SKP1: variants seen among roughly 807,000 people sequenced by gnomAD.
The protein encoded by SKP1 is S-phase kinase associated protein 1.
Under a neutral mutation model 21.5 loss-of-function variants are expected in SKP1, and 1 was observed. That is an observed-to-expected ratio of 0.05 (90% CI 0.02 to 0.22). The LOEUF is 0.22. Among genes scored for constraint, SKP1 ranks in the 10% least tolerant of loss-of-function variants. The pLI, the probability that SKP1 is intolerant of heterozygous loss-of-function variation, is 1.00. For missense variants in SKP1, 70 were observed against 192.0 expected (o/e 0.36, Z 3.76); for synonymous variants, 59 against 59.3 (o/e 0.99, Z 0.03).
rs1222521257 is a variant in SKP1, at chr5:134,150,479, T to C, written c.*7254A>G. Reference sequence around the variant, plus strand: ...CAGCACAGAACAGAAGGGGTAAGGGTAACAAGGCCATGTTAAACTACCTCT... The same window carrying C: ...CAGCACAGAACAGAAGGGGTAAGGGCAACAAGGCCATGTTAAACTACCTCT... On this transcript the variant is annotated 3_prime_UTR_variant, in exon 6 of 6. Coordinates refer to ENST00000353411, the MANE Select transcript of SKP1 (RefSeq NM_170679.3). The C allele has an allele frequency of 6.6e-6, 1 of 152,208 alleles. No homozygotes were observed. The highest frequency in any genetic ancestry group is 1.5e-5 in the Non-Finnish European group (1 of 68,020). 9.4% of individuals were successfully genotyped at this position (152,208 alleles called of 1,614,324 possible). A position where few individuals can be genotyped will look rare whatever the true frequency, so the allele number is the denominator to read the frequency against.
At chr5:134,169,558 A>C (rs1324578629) in intron 2 of SKP1, among the ~76,000 whole-genome samples, 2 of 152,352 alleles carry the variant, frequency 1.3e-5, no homozygotes, top group East Asian at 3.9e-4. Context: ...AACGAGGCTT[A>C]ACTCACATTA....
At chr5:134,168,641 T>G (rs1436390372) in intron 2 of SKP1, among the ~76,000 whole-genome samples, 1 of 151,972 alleles carries the variant, frequency 6.6e-6, no homozygotes, top group East Asian at 1.9e-4. Context: ...TGGACAAGGT[T>G]TGTAGCTAAG....
Position 134,151,879 on chromosome 5 carries a change from A to C in SKP1, c.*5854T>G, listed in dbSNP as rs527387961. The C allele has an allele frequency of 3.1e-6, 1 of 318,738 alleles. No individual in the cohort carries two copies. The highest frequency in any genetic ancestry group is 2.1e-5 in the African/African-American group (1 of 46,556). 19.7% of individuals were successfully genotyped at this position (318,738 alleles called of 1,614,324 possible). A position where few individuals can be genotyped will look rare whatever the true frequency, so the allele number is the denominator to read the frequency against. On this transcript the variant is annotated 3_prime_UTR_variant, in exon 6 of 6. Transcript: ENST00000353411. ...CCGCATTGGAAGTGTGTCAAGCAAG[A>C]GCACCTTCGACAACACTTTTCGGCC...
chr5:134,157,529 T>C lies in SKP1; in HGVS notation c.*204A>G. 1.8e-6 allele frequency: 1 copy of C among 547,476 alleles called. No individual in the cohort carries two copies. The allele number at this position is 547,476 out of a possible 1,614,324, so 33.9% of individuals were successfully genotyped here. On this transcript the variant is annotated 3_prime_UTR_variant, in exon 6 of 6. Coordinates refer to ENST00000353411, the MANE Select transcript of SKP1 (RefSeq NM_170679.3). ...TATTCAGAGCAAAGAAAAAAGAAAC[T>C]TTCCATCATACTAGAAGAAACTTGG...
intron 2 of SKP1, 30 bp downstream of exon 2, chr5:134,173,896 C>T: frequency 4.2e-6 from 5 of 1,178,516 alleles, no homozygotes; most frequent in Admixed American, 3.4e-5. Flanking sequence ...TTACACATTT[C>T]CTCCCACCCA....
chr5:134,161,193 G>C (rs1392054128), intron 3 of SKP1, 63 bp from the exon 4 acceptor site: 31 of 1,394,230 alleles, frequency 2.2e-5, no homozygotes, highest in Non-Finnish European at 3.0e-5. Flanking sequence ...TCCACTGCTG[G>C]GACAACTTAT....
At chr5:134,175,346 T>G (rs1367689234) in intron 1 of SKP1, 29 of 152,214 alleles carry the variant, frequency 1.9e-4, no homozygotes, top group Admixed American at 1.8e-3. Flanking sequence ...CATGTCTGCT[T>G]CTCCATGTTG....
At chr5:134,173,310 C>T (rs751093760) in intron 2 of SKP1, 2 of 171,764 alleles carry the variant, frequency 1.2e-5, no homozygotes, top group Non-Finnish European at 2.5e-5. Context: ...TCAGGTTGGG[C>T]AACAAGAGCA....
chr5:134,160,968 T>C lies in SKP1; in HGVS notation c.315+19A>G, dbSNP rs763369921. On this transcript the variant is annotated intron_variant, in intron 4 of 5. Transcript: ENST00000353411. ...TTAAAGGCTCTAGAGTAGAGCTATC[T>C]TACACATTAAAAACTTACCAGAATG... The C allele has an allele frequency of 8.8e-6, 14 of 1,593,294 alleles. No individual in the cohort carries two copies. Among genetic ancestry groups the C allele is most frequent in the Non-Finnish European group, 1.2e-5 (14 of 1,165,122 alleles).
intron 4 of SKP1, among the ~76,000 whole-genome samples, chr5:134,159,095 G>A (rs1194157403): frequency 6.6e-6 from 1 of 152,092 alleles, no homozygotes; most frequent in East Asian, 1.9e-4. Context: ...AGTTTAAGGT[G>A]GAAGCTTAGA....
At chr5:134,171,191 A>G (rs550518397) in intron 2 of SKP1, among the ~76,000 whole-genome samples, 19 of 152,306 alleles carry the variant, frequency 1.2e-4, no homozygotes, top group Admixed American at 1.2e-3. Context: ...AGAAAACAAA[A>G]CAGAAGACAC....
At chr5:134,175,811 A>G (rs1463983910) in intron 1 of SKP1, among the ~76,000 whole-genome samples, 1 of 152,232 alleles carries the variant, frequency 6.6e-6, no homozygotes, top group African/African-American at 2.4e-5. Flanking sequence ...GTAATAATGG[A>G]TGAAATATTT....
rs1397427150 is a variant in SKP1 at position 134,155,347 on chromosome 5, C to T, written c.*2386G>A. 1 of 152,164 alleles carries T rather than the reference C, an allele frequency of 6.6e-6. No individual in the cohort carries two copies. Among genetic ancestry groups the T allele is most frequent in the African/African-American group, 2.4e-5 (1 of 41,434 alleles). 9.4% of individuals were successfully genotyped at this position (152,164 alleles called of 1,614,324 possible). A position where few individuals can be genotyped will look rare whatever the true frequency, so the allele number is the denominator to read the frequency against. ...TATTAAAGGAATAGTGGGCATACAG[C>T]AGGGAACAGGAAAAAGAAAGGTAGG... On this transcript the variant is annotated 3_prime_UTR_variant, in exon 6 of 6. Coordinates refer to ENST00000353411, the MANE Select transcript of SKP1 (RefSeq NM_170679.3).
In SKP1 at chr5:134,151,730, A is replaced by G. The variant is rs913990341; in HGVS notation, c.*6003T>C. The G allele has an allele frequency of 1.8e-5, 8 of 455,784 alleles. No individual in the cohort carries two copies. Among genetic ancestry groups the G allele is most frequent in the Non-Finnish European group, 3.1e-5 (7 of 226,658 alleles). 28.2% of individuals were successfully genotyped at this position (455,784 alleles called of 1,614,324 possible). The stretch of plus-strand genomic sequence containing the variant: ...GAAGCAGACACTGTTATGAGCAACT[A>G]CATTCCTCCCATAGAATGCTGCTCA... On this transcript the variant is annotated 3_prime_UTR_variant, in exon 6 of 6. Transcript: ENST00000353411.
intron 4 of SKP1, among the ~76,000 whole-genome samples, chr5:134,159,979 A>G (rs1444107963): frequency 6.6e-6 from 1 of 150,544 alleles, no homozygotes; most frequent in Non-Finnish European, 1.5e-5. Flanking sequence ...CACCGCACCC[A>G]GCTGAGACTT....
rs962717819 is a variant in SKP1 at position 134,152,657 on chromosome 5, T to G, written c.*5076A>C. The G allele has an allele frequency of 6.6e-6, 1 of 152,252 alleles. No individual in the cohort carries two copies. Among genetic ancestry groups the G allele is most frequent in the African/African-American group, 2.4e-5 (1 of 41,436 alleles). The allele number at this position is 152,252 out of a possible 1,614,324, so 9.4% of individuals were successfully genotyped here. A position where few individuals can be genotyped will look rare whatever the true frequency, so the allele number is the denominator to read the frequency against. Reference sequence around the variant, plus strand: ...CCCGGGTTCAAGCGGTTCTCCTGCCTCAGCCTCCCGAGTTGCTGGGACTAC... The same window carrying G: ...CCCGGGTTCAAGCGGTTCTCCTGCCGCAGCCTCCCGAGTTGCTGGGACTAC... On this transcript the variant is annotated 3_prime_UTR_variant, in exon 6 of 6. Transcript: ENST00000353411.
intron 3 of SKP1, among the ~76,000 whole-genome samples, chr5:134,166,912 T>C (rs1761343035): frequency 6.6e-6 from 1 of 152,190 alleles, no homozygotes; most frequent in Admixed American, 6.5e-5. Context: ...CCTAGGGAAG[T>C]GTTTGCATAG....
intron 2 of SKP1, chr5:134,171,063 CA>C: frequency 2.2e-6 from 1 of 455,766 alleles, no homozygotes; most frequent in South Asian, 1.6e-5. Context: ...AAGGAGTTTA[CA>C]ACTTAATAGA....
At chr5:134,157,870 G>C in intron 5 of SKP1, 102 bp from the exon 6 acceptor site, 2 of 1,606,974 alleles carry the variant, frequency 1.2e-6, no homozygotes, top group Non-Finnish European at 1.7e-6. Flanking sequence ...AGTTGAGTCA[G>C]AAGAACAGAT....
Sources: allele counts gnomAD v4.1 joint callset (sites outside exome capture counted in the v4.1 genomes callset), GRCh38; gene constraint gnomAD v4.1.1; transcripts MANE v1.5; gene names NCBI Gene and HGNC (gene_info 2026-07-23, HGNC 2026-07-21).